TEX11: variants seen among roughly 807,000 people sequenced by gnomAD.
TEX11 encodes testis expressed 11, also known as testis-expressed protein 11.
Under a neutral mutation model 84.4 loss-of-function variants are expected in TEX11, and 7 were observed. The ratio of observed to expected loss-of-function variants is 0.08; its 90% confidence interval spans 0.05 to 0.16. The LOEUF (loss-of-function observed/expected upper bound fraction) is 0.16. TEX11 is among the 10% of genes least tolerant of loss of function. TEX11 has a pLI of 1.00. For synonymous variants in TEX11, 264 were observed against 222.8 expected (o/e 1.18, Z -1.64); for missense variants, 551 against 660.5 (o/e 0.83, Z 1.82).
At chrX:70,746,855 A>T (rs1332585913) in intron 9 of TEX11, among the ~76,000 whole-genome samples, 1 of 112,090 alleles carries the variant, frequency 8.9e-6, no homozygotes, top group Non-Finnish European at 1.9e-5. Context: ...GGTCCAGAAG[A>T]CTGTGCCCAT....
At chrX:70,684,572 C>T (rs1330118517) in intron 13 of TEX11, among the ~76,000 whole-genome samples, 1 of 111,884 alleles carries the variant, frequency 8.9e-6, no homozygotes, top group African/African-American at 3.2e-5. Flanking sequence ...AGTGAGACTC[C>T]ATCTCAAATA....
chrX:70,572,649 C>T (rs1288864802), intron 25 of TEX11, among the ~76,000 whole-genome samples: 1 of 110,440 alleles, frequency 9.1e-6, no homozygotes, highest in Admixed American at 9.7e-5. Flanking sequence ...GGCACATGTA[C>T]ACCATGGAAT....
intron 11 of TEX11, among the ~76,000 whole-genome samples, chrX:70,731,155 T>C (rs1603240007): frequency 9.0e-6 from 1 of 111,673 alleles, no homozygotes; most frequent in Non-Finnish European, 1.9e-5. Context: ...TTCAAAGCAG[T>C]GTGTAGAGGG....
intron 8 of TEX11, among the ~76,000 whole-genome samples, chrX:70,818,816 C>T (rs1172695507): frequency 9.0e-6 from 1 of 111,453 alleles, no homozygotes; most frequent in South Asian, 3.8e-4. Flanking sequence ...TTTTTCCCTA[C>T]CAAAACCAGT....
Position 70,706,458 on chromosome X carries a change from A to AT in TEX11, c.1004+16159_1004+16160insA, listed in dbSNP as rs746557010. On this transcript the variant is annotated intron_variant, in intron 13 of 29. Coordinates refer to ENST00000374333, the MANE Select transcript of TEX11 (RefSeq NM_031276.3). ...GTACCCTAGAACTTAAAGTATATAT[A>AT]AAAAAAGATAGGTCCTAAGGATAGT... 3.6e-5 allele frequency among the ~76,000 whole-genome samples: 4 copies of AT among 111,371 alleles called. No individual in the cohort carries two copies. The East Asian group carries it at 1.1e-3, about 31-fold the overall frequency.
chrX:70,705,690 C>A (rs1179930104), intron 13 of TEX11, among the ~76,000 whole-genome samples: 2 of 111,819 alleles, frequency 1.8e-5, no homozygotes, highest in Non-Finnish European at 3.8e-5. Flanking sequence ...ATTTATGCAG[C>A]CAAAAGACAC....
At chrX:70,683,960 A>T (rs1383228073) in intron 13 of TEX11, among the ~76,000 whole-genome samples, 2 of 112,255 alleles carry the variant, frequency 1.8e-5, no homozygotes, top group Non-Finnish European at 1.9e-5. Flanking sequence ...GTGATAGGAC[A>T]GTCCTTTCAG....
At chrX:70,661,668 G>A (rs1270681676) in intron 16 of TEX11, among the ~76,000 whole-genome samples, 1 of 111,526 alleles carries the variant, frequency 9.0e-6, no homozygotes, top group Non-Finnish European at 1.9e-5. Flanking sequence ...GTACTCCTCT[G>A]AGACAAAACT....
intron 28 of TEX11, among the ~76,000 whole-genome samples, chrX:70,541,105 G>A (rs747938365): frequency 1.8e-5 from 2 of 110,943 alleles, no homozygotes; most frequent in African/African-American, 6.6e-5. Context: ...TGGGAGGATC[G>A]CTTAAGCCTG....
chrX:70,631,192 A>G (rs1287881708), intron 17 of TEX11, among the ~76,000 whole-genome samples: 3 of 112,021 alleles, frequency 2.7e-5, no homozygotes, highest in South Asian at 3.7e-4. Flanking sequence ...AGCAAAATGT[A>G]TATTCCTCTC....
At chrX:70,724,119 T>C (rs941810272) in intron 12 of TEX11, 1 of 751,232 alleles carries the variant, frequency 1.3e-6, no homozygotes. Context: ...CCCAAACTAA[T>C]GTACTTCAAC....
chrX:70,857,103 G>A (rs2091540867), intron 5 of TEX11: 1 of 111,657 alleles, frequency 9.0e-6, no homozygotes, highest in Non-Finnish European at 1.9e-5. Flanking sequence ...TTACAGGGTT[G>A]GGCAGGCCCC....
At chrX:70,787,848 T>C (rs1475805616) in intron 9 of TEX11, among the ~76,000 whole-genome samples, 1 of 111,445 alleles carries the variant, frequency 9.0e-6, no homozygotes, top group Non-Finnish European at 1.9e-5. Flanking sequence ...AAATTGTACA[T>C]GCAAAAATCA....
At chrX:70,554,020 C>T (rs1384304974) in intron 26 of TEX11, among the ~76,000 whole-genome samples, 2 of 111,377 alleles carry the variant, frequency 1.8e-5, no homozygotes, top group African/African-American at 6.5e-5. Context: ...GCAAATGTGA[C>T]TCTTGTGCAC....
chrX:70,576,833 C>T (rs748407832), intron 25 of TEX11, among the ~76,000 whole-genome samples: 1 of 112,010 alleles, frequency 8.9e-6, no homozygotes, highest in South Asian at 3.7e-4. Flanking sequence ...GTACAACACT[C>T]CAAGGGGAGG....
rs1466776683 is a variant in TEX11, at chrX:70,793,097, T to C, written c.692+13608A>G. Among the ~76,000 whole-genome samples the C allele has an allele frequency of 3.6e-5, 4 of 111,340 alleles. No individual in the cohort carries two copies. The East Asian group carries it at 1.1e-3, about 31-fold the overall frequency. Reference sequence around the variant, plus strand: ...AACAGAATTAAAAACAAAAACCACATGATCATCTCTAATAGTCACAGAAAA... The same window carrying C: ...AACAGAATTAAAAACAAAAACCACACGATCATCTCTAATAGTCACAGAAAA... On this transcript the variant is annotated intron_variant, in intron 9 of 29. Transcript: ENST00000374333.
intron 8 of TEX11, among the ~76,000 whole-genome samples, chrX:70,826,480 A>G (rs1602159630): frequency 9.0e-6 from 1 of 111,689 alleles, no homozygotes; most frequent in South Asian, 3.7e-4. Context: ...GGTTTTAACT[A>G]CATATTGTGG....
intron 2 of TEX11, among the ~76,000 whole-genome samples, chrX:70,887,358 A>G (rs2091714825): frequency 8.9e-6 from 1 of 111,872 alleles, no homozygotes; most frequent in African/African-American, 3.2e-5. Flanking sequence ...CTGAATGATG[A>G]GTCCCAGGCC....
At chrX:70,899,906 C>T (rs2091792769) in intron 2 of TEX11, among the ~76,000 whole-genome samples, 1 of 92,543 alleles carries the variant, frequency 1.1e-5, no homozygotes, top group Non-Finnish European at 2.1e-5. Context: ...GTAATCTCAG[C>T]ATTTTGGGAG....
Sources: gnomAD v4.1 joint callset for allele counts (sites outside exome capture counted in the v4.1 genomes callset) on GRCh38, gnomAD v4.1.1 for gene constraint, MANE v1.5 for transcripts, NCBI Gene and HGNC (gene_info 2026-07-23, HGNC 2026-07-21) for gene names.